KCNH8: variants seen among roughly 807,000 people sequenced by gnomAD.
The protein encoded by KCNH8 is potassium voltage-gated channel subfamily H member 8.
In KCNH8, 70 loss-of-function variants were observed where a neutral mutation model predicts 103.6. The observed-to-expected ratio is 0.68, with a 90% confidence interval of 0.56 to 0.82. The LOEUF is 0.82. Among genes scored for constraint, KCNH8 ranks in the 40% least tolerant of loss-of-function variants. KCNH8 has a pLI of 0.00. For missense variants in KCNH8, 1,217 were observed against 1,329.9 expected (o/e 0.92, Z 1.32); for synonymous variants, 498 against 489.4 (o/e 1.02, Z -0.23).
chr3:19,318,700 C>T (rs1475818086), intron 3 of KCNH8, among the ~76,000 whole-genome samples: 1 of 148,550 alleles, frequency 6.7e-6, no homozygotes, highest in East Asian at 2.0e-4. Flanking sequence ...TACGGTAGAT[C>T]TACTTTTATT....
At chr3:19,273,108 G>A (rs1480371853) in intron 2 of KCNH8, among the ~76,000 whole-genome samples, 1 of 152,110 alleles carries the variant, frequency 6.6e-6, no homozygotes, top group Non-Finnish European at 1.5e-5. Flanking sequence ...TCATAACAAT[G>A]TTGAGTTCAT....
intron 1 of KCNH8, among the ~76,000 whole-genome samples, chr3:19,153,718 C>T (rs1295308216): frequency 2.0e-5 from 3 of 150,738 alleles, no homozygotes; most frequent in South Asian, 4.2e-4. Context: ...CTGAAACCTC[C>T]GCCTCCCGGG....
intron 2 of KCNH8, among the ~76,000 whole-genome samples, chr3:19,260,136 A>G (rs992857418): frequency 1.3e-5 from 2 of 151,698 alleles, no homozygotes; most frequent in Non-Finnish European, 3.0e-5. Context: ...GGTAAATTTG[A>G]TAATGCTAGC....
chr3:19,431,244 T>C (rs1389408823), intron 7 of KCNH8, among the ~76,000 whole-genome samples: 2 of 152,218 alleles, frequency 1.3e-5, no homozygotes, highest in Non-Finnish European at 2.9e-5. Flanking sequence ...GAGATAATCG[T>C]CTGGTTTTTG....
chr3:19,444,514 G>T (rs911079278), intron 8 of KCNH8, among the ~76,000 whole-genome samples: 2 of 151,834 alleles, frequency 1.3e-5, no homozygotes, highest in Non-Finnish European at 2.9e-5. Flanking sequence ...TTGAACTGCA[G>T]AACTTCTTTT....
intron 1 of KCNH8, among the ~76,000 whole-genome samples, chr3:19,182,997 C>T (rs2063470168): frequency 6.6e-6 from 1 of 152,188 alleles, no homozygotes; most frequent in Non-Finnish European, 1.5e-5. Context: ...TTCAATGCTT[C>T]TTCATTATGA....
intron 11 of KCNH8, among the ~76,000 whole-genome samples, chr3:19,497,602 G>A (rs754997920): frequency 2.0e-5 from 3 of 152,164 alleles, no homozygotes; most frequent in Non-Finnish European, 4.4e-5. Flanking sequence ...TGGTCCAAGA[G>A]TGTGGTTGGT....
intron 11 of KCNH8, among the ~76,000 whole-genome samples, chr3:19,502,188 T>G (rs2068599380): frequency 1.3e-5 from 2 of 150,454 alleles, no homozygotes; most frequent in South Asian, 2.1e-4. Context: ...TCAAAGAGAA[T>G]AAAATACCTA....
chr3:19,510,277 T>A, intron 11 of KCNH8, 86 bp from the exon 12 acceptor site: 1 of 824,458 alleles, frequency 1.2e-6, no homozygotes, highest in Non-Finnish European at 2.1e-6. Flanking sequence ...CTGTACATAC[T>A]TCTCTTTCCT....
chr3:19,475,963 A>G (rs1054127102), intron 11 of KCNH8, among the ~76,000 whole-genome samples: 1 of 152,160 alleles, frequency 6.6e-6, no homozygotes, highest in African/African-American at 2.4e-5. Flanking sequence ...TGAGTACAAT[A>G]CTGTAGTATA....
At chr3:19,487,816 C>T (rs1478057660) in intron 11 of KCNH8, among the ~76,000 whole-genome samples, 1 of 152,290 alleles carries the variant, frequency 6.6e-6, no homozygotes, top group African/African-American at 2.4e-5. Context: ...CTCTTCCCAG[C>T]AAAGGCAAGG....
intron 2 of KCNH8, among the ~76,000 whole-genome samples, chr3:19,267,334 A>ATAC (rs1307956977): frequency 6.6e-6 from 1 of 152,078 alleles, no homozygotes; most frequent in Non-Finnish European, 1.5e-5. Context: ...TGTGAAAAGA[A>ATAC]TACGTATTTT....
At chr3:19,284,508 G>GGTGT (rs66509260) in intron 3 of KCNH8, among the ~76,000 whole-genome samples, 7,343 of 136,496 alleles carry the variant, frequency 0.054, 201 homozygotes, top group East Asian at 0.076. Context: ...TGGATCTGCT[G>GGTGT]GTGTGTGTGT....
chr3:19,362,535 C>T (rs2065960222), intron 5 of KCNH8, among the ~76,000 whole-genome samples: 1 of 152,172 alleles, frequency 6.6e-6, no homozygotes, highest in Admixed American at 6.5e-5. Context: ...GTCAGGGAAA[C>T]TTTCCTGCAC....
chr3:19,237,237 C>T (rs559340267), intron 1 of KCNH8, among the ~76,000 whole-genome samples: 44 of 152,312 alleles, frequency 2.9e-4, no homozygotes, highest in African/African-American at 7.7e-4. Context: ...AGATATTATT[C>T]AGTCAGTCTG....
At chr3:19,209,666 C>T (rs2063750354) in intron 1 of KCNH8, among the ~76,000 whole-genome samples, 1 of 151,998 alleles carries the variant, frequency 6.6e-6, no homozygotes. Context: ...CACAGCACAG[C>T]TCCGTTTACT....
At chr3:19,327,795 T>G (rs2065443819) in intron 3 of KCNH8, among the ~76,000 whole-genome samples, 1 of 152,154 alleles carries the variant, frequency 6.6e-6, no homozygotes. Context: ...CATATAGACC[T>G]CCAAATCAAT....
chr3:19,431,921 A>G (rs1258411908), intron 7 of KCNH8, among the ~76,000 whole-genome samples: 1 of 151,890 alleles, frequency 6.6e-6, no homozygotes, highest in Non-Finnish European at 1.5e-5. Flanking sequence ...CTAGTGGTCT[A>G]TTTTATTAAT....
chr3:19,398,071 G>A (rs2066550937), intron 7 of KCNH8, among the ~76,000 whole-genome samples: 1 of 151,848 alleles, frequency 6.6e-6, no homozygotes, highest in African/African-American at 2.4e-5. Flanking sequence ...CCTTATGTTT[G>A]TGTTTAACAT....
Sources: gnomAD v4.1 joint callset for allele counts (sites outside exome capture counted in the v4.1 genomes callset) on GRCh38, gnomAD v4.1.1 for gene constraint, MANE v1.5 for transcripts, NCBI Gene and HGNC (gene_info 2026-07-23, HGNC 2026-07-21) for gene names.